Variants in MACROD2 observed in about 807,000 individuals in gnomAD.
The protein encoded by MACROD2 is mono-ADP ribosylhydrolase 2, also known as ADP-ribose glycohydrolase MACROD2.
A neutral mutation model predicts 70.4 loss-of-function variants in MACROD2; 36 were observed. The ratio of observed to expected loss-of-function variants is 0.51; its 90% CI spans 0.39 to 0.68. The LOEUF is 0.68. Among genes scored for constraint, MACROD2 ranks in the 30% least tolerant of loss-of-function variants. MACROD2 has a pLI of 0.00. For synonymous variants in MACROD2, 172 were observed against 178.8 expected (o/e 0.96, Z 0.30); for missense variants, 496 against 538.4 (o/e 0.92, Z 0.78).
intron 9 of MACROD2, among the ~76,000 whole-genome samples, chr20:15,872,293 T>C (rs2064597219): frequency 6.6e-6 from 1 of 152,198 alleles, no homozygotes; most frequent in Admixed American, 6.6e-5. Context: ...TGTCATGAGC[T>C]GCTAAGGTTT....
chr20:14,139,602 A>G (rs1447848754), intron 3 of MACROD2, among the ~76,000 whole-genome samples: 2 of 152,226 alleles, frequency 1.3e-5, no homozygotes, highest in Non-Finnish European at 2.9e-5. Flanking sequence ...CAATAGTGGT[A>G]TAATTTCAAT....
At chr20:15,836,873 T>C (rs114781206) in intron 8 of MACROD2, among the ~76,000 whole-genome samples, 244 of 152,326 alleles carry the variant, frequency 1.6e-3, no homozygotes, top group African/African-American at 5.7e-3. Context: ...CAGCTATTTC[T>C]TTGTAGAAAG....
intron 15 of MACROD2, among the ~76,000 whole-genome samples, chr20:16,031,298 G>A (rs775117): frequency 0.63 from 96,190 of 151,886 alleles, 30,620 homozygotes; most frequent in East Asian, 0.71. Flanking sequence ...AGGACATACT[G>A]TTTTCTTCCC....
intron 3 of MACROD2, among the ~76,000 whole-genome samples, chr20:14,360,443 A>C (rs1387200796): frequency 1.3e-5 from 2 of 152,212 alleles, no homozygotes; most frequent in African/African-American, 2.4e-5. Flanking sequence ...CAGAAAGGGA[A>C]GGTAGGCAGC....
chr20:14,088,327 T>TAAAAAA (rs11372104), intron 3 of MACROD2, among the ~76,000 whole-genome samples: 13 of 117,930 alleles, frequency 1.1e-4, no homozygotes, highest in Non-Finnish European at 2.2e-4. Flanking sequence ...AGACTCCATC[T>TAAAAAA]AAAAAAAAAA....
At chr20:15,266,605 T>G (rs2077296743) in intron 6 of MACROD2, among the ~76,000 whole-genome samples, 1 of 152,222 alleles carries the variant, frequency 6.6e-6, no homozygotes, top group African/African-American at 2.4e-5. Flanking sequence ...CTTTTCTTTC[T>G]CTCTAAACCA....
intron 2 of MACROD2, among the ~76,000 whole-genome samples, chr20:14,016,013 G>A (rs1006521492): frequency 6.6e-6 from 1 of 152,182 alleles, no homozygotes; most frequent in Non-Finnish European, 1.5e-5. Flanking sequence ...TAGATCACAT[G>A]GTAATTCTAC....
At chr20:14,456,143 A>G (rs1013312232) in intron 3 of MACROD2, among the ~76,000 whole-genome samples, 8 of 151,900 alleles carry the variant, frequency 5.3e-5, no homozygotes, top group Non-Finnish European at 1.2e-4. Flanking sequence ...ATGTGTTCAT[A>G]GATATTTTAT....
intron 8 of MACROD2, among the ~76,000 whole-genome samples, chr20:15,504,702 C>G (rs927267019): frequency 6.6e-6 from 1 of 152,022 alleles, no homozygotes; most frequent in South Asian, 2.1e-4. Flanking sequence ...TTCAGAAAAC[C>G]AAAAGAAAAG....
intron 8 of MACROD2, among the ~76,000 whole-genome samples, chr20:15,783,891 C>T (rs1347849287): frequency 2.0e-5 from 3 of 152,098 alleles, no homozygotes; most frequent in Non-Finnish European, 4.4e-5. Context: ...AAAATAGACT[C>T]ATGCTTTCTC....
chr20:15,920,604 T>G (rs1273986378), intron 10 of MACROD2, among the ~76,000 whole-genome samples: 1 of 152,114 alleles, frequency 6.6e-6, no homozygotes, highest in African/African-American at 2.4e-5. Context: ...AATGTCCCCC[T>G]TGTTCCCAGA....
At chr20:15,528,325 G>T (rs1239982553) in intron 8 of MACROD2, among the ~76,000 whole-genome samples, 1 of 152,154 alleles carries the variant, frequency 6.6e-6, no homozygotes, top group Non-Finnish European at 1.5e-5. Flanking sequence ...AGTAGACATG[G>T]GGTTTCACCA....
intron 7 of MACROD2, among the ~76,000 whole-genome samples, chr20:15,495,652 T>A (rs1364230652): frequency 1.3e-5 from 2 of 152,242 alleles, no homozygotes; most frequent in Non-Finnish European, 2.9e-5. Context: ...TTGATCATTC[T>A]CTATGTGCCA....
intron 3 of MACROD2, among the ~76,000 whole-genome samples, chr20:14,119,374 G>T (rs1321077052): frequency 6.6e-6 from 1 of 150,788 alleles, no homozygotes. Flanking sequence ...TCACCCCATT[G>T]GCCAGGCTGG....
intron 5 of MACROD2, among the ~76,000 whole-genome samples, chr20:14,978,901 ATATAT>A (rs2074770313): frequency 8.6e-4 from 4 of 4,668 alleles, no homozygotes; most frequent in Non-Finnish European, 1.3e-3. Context: ...ATATTATATA[ATATAT>A]TATATATAAT....
At chr20:14,037,253 T>A (rs1002525538) in intron 2 of MACROD2, among the ~76,000 whole-genome samples, 1 of 152,234 alleles carries the variant, frequency 6.6e-6, no homozygotes. Context: ...TTGTAGAATT[T>A]ACTAGTTTTG....
intron 5 of MACROD2, among the ~76,000 whole-genome samples, chr20:15,137,386 A>T (rs1305961581): frequency 3.3e-5 from 5 of 152,050 alleles, no homozygotes; most frequent in African/African-American, 1.2e-4. Flanking sequence ...GCCATAAAAA[A>T]TGATGAGTTC....
At chr20:15,744,267 G>T (rs947954231) in intron 8 of MACROD2, among the ~76,000 whole-genome samples, 5 of 152,270 alleles carry the variant, frequency 3.3e-5, no homozygotes, top group African/African-American at 1.2e-4. Flanking sequence ...TAAATAATAT[G>T]ATTAGTTCAA....
At chr20:14,508,562 A>G (rs2084994592) in intron 4 of MACROD2, among the ~76,000 whole-genome samples, 1 of 152,176 alleles carries the variant, frequency 6.6e-6, no homozygotes, top group Non-Finnish European at 1.5e-5. Context: ...TGACATTAGA[A>G]TATTAAAAGT....
Sources: gnomAD v4.1 joint callset for allele counts (sites outside exome capture counted in the v4.1 genomes callset) on GRCh38, gnomAD v4.1.1 for gene constraint, MANE v1.5 for transcripts, NCBI Gene and HGNC (gene_info 2026-07-23, HGNC 2026-07-21) for gene names.